CNTLN: variants seen among roughly 807,000 people sequenced by gnomAD.
The protein encoded by CNTLN is centlein.
In CNTLN, 212 loss-of-function variants were observed where a neutral mutation model predicts 180.0. The ratio of observed to expected loss-of-function variants is 1.18; its 90% CI spans 1.05 to 1.32. CNTLN has a LOEUF of 1.32. Among genes scored for constraint, CNTLN ranks in the 40% most tolerant of loss-of-function variants. The pLI, the probability that CNTLN is intolerant of heterozygous loss-of-function variation, is 0.00. For missense variants in CNTLN, 2,095 were observed against 1,610.9 expected (o/e 1.30, Z -5.14); for synonymous variants, 722 against 563.1 (o/e 1.28, Z -3.99).
intron 12 of CNTLN, among the ~76,000 whole-genome samples, chr9:17,342,961 G>A (rs951690059): frequency 6.6e-6 from 1 of 152,182 alleles, no homozygotes; most frequent in South Asian, 2.1e-4. Flanking sequence ...TGCCTGTTAA[G>A]GGTCTGGTGT....
chr9:17,526,436 A>T, the CNTLN span, among the ~76,000 whole-genome samples: 1 of 152,224 alleles, frequency 6.6e-6, no homozygotes, highest in African/African-American at 2.4e-5. Context: ...TCTTTTGATA[A>T]ATAAGTTGAA....
At chr9:17,317,534 C>T (rs978856261) in intron 8 of CNTLN, among the ~76,000 whole-genome samples, 2 of 152,028 alleles carry the variant, frequency 1.3e-5, no homozygotes, top group Non-Finnish European at 2.9e-5. Context: ...ATGGAGCATA[C>T]ATTCAGGTCA....
chr9:17,441,857 AT>A lies in CNTLN; in HGVS notation c.3115-15665del, dbSNP rs530232865. On this transcript the variant is annotated intron_variant, in intron 18 of 25. Transcript: ENST00000380647. ...TTATAGTGAAGGGATGGAAAACTAT[AT>A]TCCATACAAAGGGTAAGCAAAGGAG... 1.7e-3 allele frequency among the ~76,000 whole-genome samples: 256 copies of A among 152,330 alleles called. 1 individual carries two copies. The highest frequency in any genetic ancestry group is 6.1e-3 in the African/African-American group (253 of 41,572).
intron 2 of CNTLN, among the ~76,000 whole-genome samples, chr9:17,177,584 T>A (rs553516824): frequency 6.6e-5 from 10 of 152,236 alleles, no homozygotes; most frequent in Non-Finnish European, 1.3e-4. Flanking sequence ...GTTCGGAGTT[T>A]CTTCCTTCTG....
At chr9:17,212,569 T>C (rs1446381069) in intron 2 of CNTLN, among the ~76,000 whole-genome samples, 2 of 152,330 alleles carry the variant, frequency 1.3e-5, no homozygotes, top group African/African-American at 2.4e-5. Flanking sequence ...GCTGGCCTCA[T>C]AGAATGAGTT....
rs1463214421 is a variant in CNTLN, at chr9:17,135,277, G to T, written c.212G>T (p.Gly71Val). The change falls in exon 1 of 26, where the codon GGG (glycine) becomes GTG (valine). Residue 71 changes from glycine (G) to valine (V), a missense_variant. Transcript: ENST00000380647. Reference sequence around the variant, plus strand: ...TCAGGGGGCCGGCGAGGGCCTGGGGGGGCAGCTCCGGCTCATGCTCCCCTC... The same window carrying T: ...TCAGGGGGCCGGCGAGGGCCTGGGGTGGCAGCTCCGGCTCATGCTCCCCTC... ...EGSGGRRGPGGAAPAHAPLLS... is the reference protein window; with the variant it reads ...EGSGGRRGPGVAAPAHAPLLS... 6.2e-7 allele frequency: 1 copy of T among 1,601,210 alleles called. No individual in the cohort carries two copies.
At chr9:17,415,516 G>A (rs1383704892) in intron 16 of CNTLN, among the ~76,000 whole-genome samples, 1 of 151,952 alleles carries the variant, frequency 6.6e-6, no homozygotes, top group Admixed American at 6.6e-5. Context: ...AAGTTCATTT[G>A]TAAGTTCTTG....
At chr9:17,230,850 A>G (rs4961535) in intron 3 of CNTLN, among the ~76,000 whole-genome samples, 20,249 of 151,856 alleles carry the variant, frequency 0.13, 2,177 homozygotes, top group East Asian at 0.43. Context: ...CCCTTCCCCC[A>G]AGCATGACTG....
the CNTLN span, among the ~76,000 whole-genome samples, chr9:17,510,833 A>G: frequency 6.6e-6 from 1 of 152,212 alleles, no homozygotes; most frequent in South Asian, 2.1e-4. Flanking sequence ...GCTATCATGA[A>G]TATTCAAGTA....
rs200585959 is a variant in CNTLN, at chr9:17,135,113, A to G, written c.48A>G (p.Arg16=). The change falls in exon 1 of 26, where the codon CGA becomes CGG. Residue 16 remains arginine, a synonymous_variant. Coordinates refer to ENST00000380647, the MANE Select transcript of CNTLN (RefSeq NM_017738.4). The stretch of plus-strand genomic sequence containing the variant: ...CACCGCACCCTTCGCCCCCAGCGCG[A>G]CAGCTGGGCCCCAGGTCCCCACGTG... ...PPSPHPSPPA[R]QLGPRSPRVG... 27 of 1,606,532 alleles carry G rather than the reference A, an allele frequency of 1.7e-5. No individual in the cohort carries two copies. The Admixed American group carries it at 3.7e-4, about 22-fold the overall frequency.
At chr9:17,325,790 T>G (rs1820250026) in intron 8 of CNTLN, among the ~76,000 whole-genome samples, 1 of 152,048 alleles carries the variant, frequency 6.6e-6, no homozygotes, top group Non-Finnish European at 1.5e-5. Flanking sequence ...AAACACTTTT[T>G]TGCTAAATGC....
the CNTLN span, among the ~76,000 whole-genome samples, chr9:17,522,419 T>G: frequency 1.2e-4 from 18 of 152,184 alleles, no homozygotes; most frequent in Admixed American, 5.2e-4. Flanking sequence ...AAATTAAACC[T>G]CAGGACTTTC....
the CNTLN span, among the ~76,000 whole-genome samples, chr9:17,514,964 A>G: frequency 2.0e-5 from 3 of 152,222 alleles, no homozygotes; most frequent in South Asian, 6.2e-4. Flanking sequence ...AACTAGAAGG[A>G]ACCTGGGTCC....
intron 18 of CNTLN, among the ~76,000 whole-genome samples, chr9:17,437,573 A>G (rs1829852222): frequency 1.3e-5 from 2 of 152,220 alleles, no homozygotes; most frequent in African/African-American, 4.8e-5. Flanking sequence ...TATTGAATTG[A>G]TATACTATTT....
chr9:17,309,007 C>A, intron 7 of CNTLN, 51 bp from the exon 8 acceptor site: 2 of 1,255,424 alleles, frequency 1.6e-6, no homozygotes, highest in Non-Finnish European at 2.2e-6. Context: ...GACACACAGA[C>A]ACATAGTTTT....
intron 25 of CNTLN, among the ~76,000 whole-genome samples, chr9:17,501,451 T>C (rs1272721428): frequency 1.3e-5 from 2 of 152,222 alleles, no homozygotes; most frequent in African/African-American, 4.8e-5. Context: ...GCTAGTCTTT[T>C]CTCTTTTCTC....
At chr9:17,246,993 GC>G (rs1399070164) in intron 5 of CNTLN, among the ~76,000 whole-genome samples, 1 of 152,090 alleles carries the variant, frequency 6.6e-6, no homozygotes, top group Non-Finnish European at 1.5e-5. Flanking sequence ...ATTTGGCTCA[GC>G]TGGTGTCTAA....
Position 17,203,956 on chromosome 9 carries a change from A to G in CNTLN, c.450-22247A>G, listed in dbSNP as rs572781171. 3.9e-5 allele frequency among the ~76,000 whole-genome samples: 6 copies of G among 152,310 alleles called. 1 individual carries two copies. The South Asian group carries it at 1.2e-3, about 32-fold the overall frequency. On this transcript the variant is annotated intron_variant, in intron 2 of 25. Transcript: ENST00000380647. ...TTTCTTCCACCTGATCGATTTGGCT[A>G]TTGATACTTGTGTTTGCTTCACAAA...
intron 25 of CNTLN, among the ~76,000 whole-genome samples, chr9:17,498,204 A>G (rs191565331): frequency 6.6e-6 from 1 of 152,276 alleles, no homozygotes; most frequent in African/African-American, 2.4e-5. Context: ...TTTCAATTTT[A>G]TATTGAGTAT....
Sources: allele counts gnomAD v4.1 joint callset (sites outside exome capture counted in the v4.1 genomes callset), GRCh38; gene constraint gnomAD v4.1.1; transcripts MANE v1.5; gene names NCBI Gene and HGNC (gene_info 2026-07-23, HGNC 2026-07-21).